The following STX7 variants were observed in gnomAD, a reference collection of about 807,000 sequenced individuals.
STX7 encodes syntaxin 7.
In STX7, 34 loss-of-function variants were observed where a neutral mutation model predicts 39.6. The ratio of observed to expected loss-of-function variants is 0.86; its 90% confidence interval spans 0.65 to 1.14. The LOEUF (loss-of-function observed/expected upper bound fraction) is 1.14, where lower values mean the gene tolerates loss of function less well. Ranked by LOEUF, STX7 falls within the 50% of genes most tolerant of loss-of-function variation. The pLI, the probability that STX7 is intolerant of heterozygous loss-of-function variation, is 0.00. For missense variants in STX7, 284 were observed against 310.4 expected (o/e 0.92, Z 0.64); for synonymous variants, 119 against 99.1 (o/e 1.20, Z -1.19).
chr6:132,475,800 G>GA (rs1774860103), intron 2 of STX7, 138 bp from the exon 3 acceptor site: 1 of 410,368 alleles, frequency 2.4e-6, no homozygotes, highest in Non-Finnish European at 4.1e-6. Flanking sequence ...ATATTAACTG[G>GA]AAAAAAGAAT....
rs145162801 is a variant in STX7, at chr6:132,452,798, A to T, written c.*7960T>A. 1.3e-5 allele frequency: 2 copies of T among 152,276 alleles called. No homozygotes were observed. Among genetic ancestry groups the T allele is most frequent in the Admixed American group, 1.3e-4 (2 of 15,286 alleles). The allele number at this position is 152,276 out of a possible 1,614,324, so 9.4% of individuals were successfully genotyped here. ...AGGCTTAACATGGTAAAGATGTCAA[A>T]TCTCCCCAAATTGATGTATAGGTAT... On this transcript the variant is annotated 3_prime_UTR_variant, in exon 10 of 10. Transcript: ENST00000367941.
In STX7 at chr6:132,499,284, C is replaced by T. The variant is rs376769849; in HGVS notation, c.85+4162G>A. The stretch of plus-strand genomic sequence containing the variant: ...CCTACTAAATATTGATTCTCTCATC[C>T]TTCTTTCTCAAATAGAATAATCCCC... On this transcript the variant is annotated intron_variant, in intron 2 of 9. Coordinates refer to ENST00000367941, the MANE Select transcript of STX7 (RefSeq NM_003569.3). 9.7e-4 allele frequency among the ~76,000 whole-genome samples: 148 copies of T among 152,328 alleles called. 1 individual carries two copies. The highest frequency in any genetic ancestry group is 3.3e-3 in the African/African-American group (136 of 41,564).
chr6:132,490,965 G>GCAGCACAGCA (rs71545037), intron 2 of STX7, among the ~76,000 whole-genome samples: 28,320 of 127,342 alleles, frequency 0.22, 3,879 homozygotes, highest in Middle Eastern at 0.29. Context: ...GTCCCTCAGT[G>GCAGCACAGCA]CAGCACAGCA....
chr6:132,476,026 G>A lies in STX7; in HGVS notation c.86-364C>T, dbSNP rs113043478. 5.1e-3 allele frequency among the ~76,000 whole-genome samples: 777 copies of A among 152,072 alleles called. 6 individuals are homozygous for A. Among genetic ancestry groups the A allele is most frequent in the African/African-American group, 0.017 (726 of 41,508 alleles). On this transcript the variant is annotated intron_variant, in intron 2 of 9. Transcript: ENST00000367941. ...TAAGTAACAATTACATATTTCATTA[G>A]AATATAATATAAATAAGTTATTGTT...
At chr6:132,505,294 A>G (rs1775670075) in intron 1 of STX7, among the ~76,000 whole-genome samples, 1 of 152,226 alleles carries the variant, frequency 6.6e-6, no homozygotes, top group Admixed American at 6.5e-5. Context: ...CTGGTAGAGA[A>G]GAAGCCACAG....
At position 132,454,723 on chromosome 6, in the gene STX7, T is replaced by C. The variant is rs1470257599; in HGVS notation, c.*6035A>G. 1.3e-5 allele frequency: 2 copies of C among 152,196 alleles called. No homozygotes were observed. The highest frequency in any genetic ancestry group is 2.1e-4 in the South Asian group (1 of 4,824). 9.4% of individuals were successfully genotyped at this position (152,196 alleles called of 1,614,324 possible). On this transcript the variant is annotated 3_prime_UTR_variant, in exon 10 of 10. Coordinates refer to ENST00000367941, the MANE Select transcript of STX7 (RefSeq NM_003569.3). ...AGATCAGGAAAAGACATAAGGACAATAGGGTAGCCCTAATTTTGAACAAAA... is the reference window on the plus strand; with the variant it reads ...AGATCAGGAAAAGACATAAGGACAACAGGGTAGCCCTAATTTTGAACAAAA...
chr6:132,499,649 G>A (rs1775504002), intron 2 of STX7, among the ~76,000 whole-genome samples: 1 of 151,988 alleles, frequency 6.6e-6, no homozygotes, highest in South Asian at 2.1e-4. Context: ...TACCTCACAG[G>A]TCACTCCTTA....
chr6:132,480,570 T>C (rs1177580148), intron 2 of STX7, among the ~76,000 whole-genome samples: 1 of 152,154 alleles, frequency 6.6e-6, no homozygotes, highest in Non-Finnish European at 1.5e-5. Flanking sequence ...AGTATGTTGA[T>C]TGAGGTAATT....
rs1301833601 is a variant in STX7, at chr6:132,470,062, T to A, written c.441-15A>T. On this transcript the variant is annotated splice_polypyrimidine_tract_variant and intron_variant, in intron 6 of 9. Coordinates refer to ENST00000367941, the MANE Select transcript of STX7 (RefSeq NM_003569.3). ...GTTGAGTTTGGCTAACAGAAAAAAATGAATGTGGAAAAAAACAAAGATTGG... is the reference window on the plus strand; with the variant it reads ...GTTGAGTTTGGCTAACAGAAAAAAAAGAATGTGGAAAAAAACAAAGATTGG... 2 of 1,563,528 alleles carry A rather than the reference T, an allele frequency of 1.3e-6. No individual in the cohort carries two copies. The highest frequency in any genetic ancestry group is 1.7e-6 in the Non-Finnish European group (2 of 1,162,020).
intron 2 of STX7, among the ~76,000 whole-genome samples, chr6:132,477,896 A>G (rs113753916): frequency 1.4e-3 from 206 of 152,320 alleles, no homozygotes; most frequent in African/African-American, 4.1e-3. Flanking sequence ...TAATCTTGCA[A>G]TTTACAAAAG....
chr6:132,448,619 G>A lies in STX7; in HGVS notation c.*12139C>T, dbSNP rs539359622. ...GGAGGCCAAGGCAGGTAGATCACCT[G>A]AAGTCAGGAGTTCGAGAACAGCCTG... On this transcript the variant is annotated 3_prime_UTR_variant, in exon 10 of 10. Transcript: ENST00000367941. 5.9e-5 allele frequency: 9 copies of A among 152,110 alleles called. No individual in the cohort carries two copies. The highest frequency in any genetic ancestry group is 8.8e-5 in the Non-Finnish European group (6 of 68,054). The allele number at this position is 152,110 out of a possible 1,614,324, so 9.4% of individuals were successfully genotyped here.
At chr6:132,463,470 A>G (rs1220051210) in intron 9 of STX7, among the ~76,000 whole-genome samples, 5 of 152,182 alleles carry the variant, frequency 3.3e-5, no homozygotes, top group Non-Finnish European at 7.3e-5. Context: ...TCAAGAAATA[A>G]ATTCATTCCT....
intron 1 of STX7, among the ~76,000 whole-genome samples, chr6:132,508,525 CGTT>C (rs957638752): frequency 3.3e-5 from 5 of 152,128 alleles, no homozygotes; most frequent in African/African-American, 9.6e-5. Context: ...CTTTGTTTGG[CGTT>C]GTTGTTGTTT....
intron 2 of STX7, among the ~76,000 whole-genome samples, chr6:132,476,333 T>C (rs973234631): frequency 3.9e-5 from 6 of 152,180 alleles, no homozygotes; most frequent in Non-Finnish European, 5.9e-5. Context: ...CTGAGGATTT[T>C]TCTTGCCAAA....
At position 132,458,064 on chromosome 6, in the gene STX7, A is replaced by T. The variant is rs1352861744; in HGVS notation, c.*2694T>A. 3.3e-5 allele frequency: 5 copies of T among 152,226 alleles called. No homozygotes were observed. Among genetic ancestry groups the T allele is most frequent in the Admixed American group, 3.3e-4 (5 of 15,278 alleles). 9.4% of individuals were successfully genotyped at this position (152,226 alleles called of 1,614,324 possible). The stretch of plus-strand genomic sequence containing the variant: ...ATTTCATGGAAAGAGGGGCCTTTAA[A>T]GGCACTTATTTATCATTGTAGGTGT... On this transcript the variant is annotated 3_prime_UTR_variant, in exon 10 of 10. Coordinates refer to ENST00000367941, the MANE Select transcript of STX7 (RefSeq NM_003569.3).
At chr6:132,505,303 A>C (rs1775670192) in intron 1 of STX7, among the ~76,000 whole-genome samples, 1 of 152,232 alleles carries the variant, frequency 6.6e-6, no homozygotes, top group African/African-American at 2.4e-5. Context: ...AAGAAGCCAC[A>C]GTGAAGTATG....
intron 3 of STX7, among the ~76,000 whole-genome samples, chr6:132,473,521 T>G (rs1432672137): frequency 4.9e-5 from 4 of 81,980 alleles, no homozygotes; most frequent in African/African-American, 2.0e-4. Flanking sequence ...TATTGTGTTG[T>G]TTTTTTTTTT....
intron 2 of STX7, among the ~76,000 whole-genome samples, chr6:132,478,288 G>A (rs900672095): frequency 1.3e-4 from 20 of 152,096 alleles, no homozygotes; most frequent in African/African-American, 4.8e-4. Context: ...ATTTTGCAAA[G>A]TACAAACAAG....
chr6:132,461,900 AG>A, intron 9 of STX7: 4 of 1,486,772 alleles, frequency 2.7e-6, no homozygotes, highest in Non-Finnish European at 3.6e-6. Flanking sequence ...CTTTGTGTCA[AG>A]TAGAAGTACC....
Sources: gnomAD v4.1 joint callset for allele counts (sites outside exome capture counted in the v4.1 genomes callset) on GRCh38, gnomAD v4.1.1 for gene constraint, MANE v1.5 for transcripts, NCBI Gene and HGNC (gene_info 2026-07-23, HGNC 2026-07-21) for gene names.